LARGE1: variants seen among roughly 807,000 people sequenced by gnomAD.
LARGE1 encodes LARGE xylosyl- and glucuronyltransferase 1.
Under a neutral mutation model 87.6 loss-of-function variants are expected in LARGE1, and 43 were observed. That is an observed-to-expected ratio of 0.49 (90% CI 0.38 to 0.63). LARGE1 has a LOEUF of 0.63. Ranked by LOEUF, LARGE1 falls within the 30% of genes least tolerant of loss-of-function variation. LARGE1 has a pLI of 0.00. For synonymous variants in LARGE1, 434 were observed against 394.6 expected (o/e 1.10, Z -1.18); for missense variants, 802 against 1,000.2 (o/e 0.80, Z 2.67).
chr22:33,684,981 G>A (rs1019696753), intron 2 of LARGE1, among the ~76,000 whole-genome samples: 3 of 152,194 alleles, frequency 2.0e-5, no homozygotes, highest in African/African-American at 4.8e-5. Flanking sequence ...TGTATGGGGG[G>A]TGGAGCCACC....
chr22:33,259,969 A>G (rs1296065028), intron 11 of LARGE1, among the ~76,000 whole-genome samples: 1 of 152,198 alleles, frequency 6.6e-6, no homozygotes, highest in Non-Finnish European at 1.5e-5. Flanking sequence ...AACCAAGCCC[A>G]TGCTTATAAC....
At chr22:33,456,573 T>C (rs1426019135) in intron 6 of LARGE1, among the ~76,000 whole-genome samples, 1 of 152,224 alleles carries the variant, frequency 6.6e-6, no homozygotes, top group East Asian at 1.9e-4. Context: ...TCAATTAACT[T>C]TCTATTGAAG....
chr22:33,184,312 T>A (rs117865857), intron 11 of LARGE1, among the ~76,000 whole-genome samples: 2 of 151,242 alleles, frequency 1.3e-5, no homozygotes, highest in Non-Finnish European at 3.0e-5. Flanking sequence ...GCTGAAAATA[T>A]TTGGAAGCTA....
At chr22:33,568,707 G>A (rs952570557) in intron 5 of LARGE1, among the ~76,000 whole-genome samples, 2 of 141,018 alleles carry the variant, frequency 1.4e-5, no homozygotes, top group East Asian at 4.1e-4. Context: ...CGGAAGTTGC[G>A]GTGAGCAGAG....
At chr22:33,811,685 T>G (rs1000600838) in intron 1 of LARGE1, among the ~76,000 whole-genome samples, 4 of 152,202 alleles carry the variant, frequency 2.6e-5, no homozygotes, top group Non-Finnish European at 5.9e-5. Context: ...ACAGCTTTAT[T>G]ACGTCACGGT....
rs201322547 is a variant in LARGE1 at position 33,316,074 on chromosome 22, G to A, written c.1451+11C>T. On this transcript the variant is annotated intron_variant, in intron 11 of 14. Coordinates refer to ENST00000397394, the MANE Select transcript of LARGE1 (RefSeq NM_133642.5). Reference sequence around the variant, plus strand: ...TGAGGAGACTGGGGTGGGTGAGGCCGTCTGCCATACCTGTCCATGGACAGC... The same window carrying A: ...TGAGGAGACTGGGGTGGGTGAGGCCATCTGCCATACCTGTCCATGGACAGC... The A allele has an allele frequency of 3.5e-5, 57 of 1,612,924 alleles. 1 individual carries two copies. Among genetic ancestry groups the A allele is most frequent in the Admixed American group, 8.3e-5 (5 of 59,940 alleles).
Position 33,277,259 on chromosome 22 carries a change from A to G in LARGE1, c.1878-4T>C. 6.2e-7 allele frequency: 1 copy of G among 1,613,998 alleles called. No individual in the cohort carries two copies. The highest frequency in any genetic ancestry group is 8.5e-7 in the Non-Finnish European group (1 of 1,179,920). On this transcript the variant is annotated splice_region_variant and splice_polypyrimidine_tract_variant and intron_variant, in intron 13 of 14. Coordinates refer to ENST00000397394, the MANE Select transcript of LARGE1 (RefSeq NM_133642.5). The stretch of plus-strand genomic sequence containing the variant: ...GCCTTTCGTCCAGACGTGGTACCTG[A>G]GACACACGGAGAAAAGCCATTGGGT...
chr22:33,844,871 C>T (rs2063385434), intron 1 of LARGE1, among the ~76,000 whole-genome samples: 1 of 151,734 alleles, frequency 6.6e-6, no homozygotes, highest in Non-Finnish European at 1.5e-5. Context: ...CAGGCACGCA[C>T]CACCATGCCT....
intron 11 of LARGE1, among the ~76,000 whole-genome samples, chr22:33,181,580 G>A (rs1923164270): frequency 6.6e-6 from 1 of 151,368 alleles, no homozygotes; most frequent in South Asian, 2.1e-4. Flanking sequence ...CCAGGCTGGA[G>A]TGCAGTGGTG....
the LARGE1 span, chr22:33,105,458 T>C: frequency 6.6e-6 from 1 of 152,228 alleles, no homozygotes; most frequent in East Asian, 1.9e-4. Context: ...CTGGCCAGGC[T>C]GACAGCCCAA....
intron 3 of LARGE1, among the ~76,000 whole-genome samples, chr22:33,636,584 G>A (rs1024767493): frequency 2.2e-4 from 33 of 152,166 alleles, no homozygotes; most frequent in African/African-American, 8.0e-4. Context: ...CTGGAGTGCA[G>A]TGGCACAATC....
chr22:33,528,170 A>G (rs1412085746), intron 6 of LARGE1, among the ~76,000 whole-genome samples: 2 of 152,090 alleles, frequency 1.3e-5, no homozygotes, highest in Admixed American at 6.5e-5. Flanking sequence ...AAAATGTCCA[A>G]TATTAAGGAT....
chr22:33,217,662 G>A (rs1925271798), intron 11 of LARGE1, among the ~76,000 whole-genome samples: 1 of 152,186 alleles, frequency 6.6e-6, no homozygotes, highest in Non-Finnish European at 1.5e-5. Flanking sequence ...GGAGGGAAAT[G>A]AATAGGATAT....
At chr22:33,100,297 G>A in the LARGE1 span, among the ~76,000 whole-genome samples, 1 of 136,900 alleles carries the variant, frequency 7.3e-6, no homozygotes, top group Admixed American at 8.2e-5. Context: ...GCAGTGAGCC[G>A]AGATATTGCG....
intron 6 of LARGE1, among the ~76,000 whole-genome samples, chr22:33,469,494 A>C (rs1335972500): frequency 6.6e-6 from 1 of 152,192 alleles, no homozygotes; most frequent in Non-Finnish European, 1.5e-5. Flanking sequence ...CACAAAGAAG[A>C]GAACAGAAAA....
intron 2 of LARGE1, among the ~76,000 whole-genome samples, chr22:33,700,039 T>C (rs1326258638): frequency 6.6e-6 from 1 of 152,180 alleles, no homozygotes; most frequent in Non-Finnish European, 1.5e-5. Context: ...GTAACCACTG[T>C]CCTTAACGAG....
At chr22:33,118,045 T>A in the LARGE1 span, among the ~76,000 whole-genome samples, 1 of 152,254 alleles carries the variant, frequency 6.6e-6, no homozygotes, top group East Asian at 1.9e-4. Context: ...AATCTGAGGA[T>A]GCACCAAGGC....
At chr22:33,894,899 G>C (rs1014445164) in intron 1 of LARGE1, among the ~76,000 whole-genome samples, 2 of 152,198 alleles carry the variant, frequency 1.3e-5, no homozygotes, top group East Asian at 3.9e-4. Flanking sequence ...TGTCACATGG[G>C]AGCCAGTCCC....
At chr22:33,586,910 G>A (rs1175192526) in intron 5 of LARGE1, among the ~76,000 whole-genome samples, 2 of 152,136 alleles carry the variant, frequency 1.3e-5, no homozygotes, top group East Asian at 3.8e-4. Flanking sequence ...ATGAAAACGA[G>A]AAAACTAGAA....
Sources: allele counts gnomAD v4.1 joint callset (sites outside exome capture counted in the v4.1 genomes callset), GRCh38; gene constraint gnomAD v4.1.1; transcripts MANE v1.5; gene names NCBI Gene and HGNC (gene_info 2026-07-23, HGNC 2026-07-21).